Variants in RPAP3 observed in about 807,000 individuals in gnomAD.
RPAP3 encodes the protein RNA polymerase II associated protein 3.
Under a neutral mutation model 88.8 loss-of-function variants are expected in RPAP3, and 58 were observed. That is an observed-to-expected ratio of 0.65 (90% confidence interval 0.53 to 0.81). The LOEUF (loss-of-function observed/expected upper bound fraction) is 0.81, where lower values mean the gene tolerates loss of function less well. Ranked by LOEUF, RPAP3 falls within the 40% of genes least tolerant of loss-of-function variation. The pLI is 0.00. For synonymous variants in RPAP3, 255 were observed against 259.9 expected (o/e 0.98, Z 0.18); for missense variants, 751 against 764.3 (o/e 0.98, Z 0.20).
intron 14 of RPAP3, among the ~76,000 whole-genome samples, chr12:47,668,707 T>C (rs1350331569): frequency 5.9e-5 from 9 of 152,190 alleles, no homozygotes; most frequent in South Asian, 2.1e-4. Flanking sequence ...TTTGAGACAA[T>C]AGAATTTGAC....
At chr12:47,671,570 A>G (rs1391355274) in intron 12 of RPAP3, among the ~76,000 whole-genome samples, 1 of 152,224 alleles carries the variant, frequency 6.6e-6, no homozygotes, top group Non-Finnish European at 1.5e-5. Context: ...AAAAGCTGTA[A>G]GAAAATTTAT....
intron 13 of RPAP3, 29 bp downstream of exon 13, chr12:47,670,078 G>T: frequency 7.4e-7 from 1 of 1,354,288 alleles, no homozygotes; most frequent in Non-Finnish European, 1.1e-6. Context: ...CATTCTGGAT[G>T]ATCAGCAAAT....
In RPAP3 at chr12:47,679,577, TC is replaced by T; in HGVS notation, c.1202del (p.Gly401AspfsTer17). 1.9e-6 allele frequency: 3 copies of T among 1,602,038 alleles called. No individual in the cohort carries two copies. The highest frequency in any genetic ancestry group is 2.6e-6 in the Non-Finnish European group (3 of 1,172,726). On this transcript the variant is annotated frameshift_variant, in exon 12 of 17. Transcript: ENST00000005386. LOFTEE classifies it high-confidence loss of function. ...SKIKKELIEKGHWDDVFLDST... is the reference protein window; with the variant it reads ...SKIKKELIEKXHWDDVFLDST... ...AATCAAGAAAGACATCATCCCAGTG[TC>T]CTTTCTCAATTAATTCCTTGAAAAT...
At chr12:47,675,125 G>C (rs1468848762) in intron 12 of RPAP3, among the ~76,000 whole-genome samples, 3 of 152,118 alleles carry the variant, frequency 2.0e-5, no homozygotes, top group Non-Finnish European at 4.4e-5. Context: ...TTTCAACCCA[G>C]AATTTCATAT....
chr12:47,697,429 G>T (rs1053547969), intron 4 of RPAP3, among the ~76,000 whole-genome samples, 168 bp downstream of exon 4: 1 of 152,168 alleles, frequency 6.6e-6, no homozygotes, highest in African/African-American at 2.4e-5. Context: ...TGGCTCCAGA[G>T]CATGTACTCC....
intron 16 of RPAP3, chr12:47,664,670 T>C (rs962972995): frequency 2.0e-5 from 3 of 152,216 alleles, no homozygotes; most frequent in African/African-American, 4.8e-5. Flanking sequence ...GACAGTACTA[T>C]TGGTCAGCCA....
intron 9 of RPAP3, among the ~76,000 whole-genome samples, chr12:47,686,488 A>T (rs1342883426): frequency 6.6e-6 from 1 of 151,880 alleles, no homozygotes; most frequent in African/African-American, 2.4e-5. Context: ...TCTACTGAAT[A>T]CACACCTTGT....
chr12:47,674,845 T>C (rs945275621), intron 12 of RPAP3, among the ~76,000 whole-genome samples: 4 of 152,174 alleles, frequency 2.6e-5, no homozygotes, highest in Non-Finnish European at 5.9e-5. Context: ...CCAGGAGAAC[T>C]TCCCCAACCT....
chr12:47,667,040 G>C lies in RPAP3; in HGVS notation c.1852C>G (p.Leu618Val). Residue 618 changes from leucine (L) to valine (V), a missense_variant, in exon 16 of 17, where the codon CTT becomes GTT. By Grantham distance (32) the Leu-to-Val change is conservative. Coordinates refer to ENST00000005386, the MANE Select transcript of RPAP3 (RefSeq NM_024604.3). Reference protein sequence around the residue: ...PLLIFEILQRLSELKRFDMAV... With the variant: ...PLLIFEILQRVSELKRFDMAV... The stretch of plus-strand genomic sequence containing the variant: ...ATATCAAACCTTTTTAGTTCAGAAA[G>C]TCTTTGTAAGATTTCAAAGATGAGT... 1 of 1,516,764 alleles carries C rather than the reference G, an allele frequency of 6.6e-7. No homozygotes were observed. Among genetic ancestry groups the C allele is most frequent in the Non-Finnish European group, 8.8e-7 (1 of 1,138,676 alleles). 94.0% of individuals were successfully genotyped at this position (1,516,764 alleles called of 1,614,324 possible). A position where few individuals can be genotyped will look rare whatever the true frequency, so the allele number is the denominator to read the frequency against.
At chr12:47,681,038 C>T (rs780502961) in intron 10 of RPAP3, among the ~76,000 whole-genome samples, 4 of 151,308 alleles carry the variant, frequency 2.6e-5, no homozygotes, top group Non-Finnish European at 4.4e-5. Flanking sequence ...TGCACAAAAA[C>T]GAGTTTGCTG....
chr12:47,666,474 G>C (rs1938875774), intron 16 of RPAP3, among the ~76,000 whole-genome samples: 1 of 152,156 alleles, frequency 6.6e-6, no homozygotes, highest in Non-Finnish European at 1.5e-5. Flanking sequence ...TGAGAATTCA[G>C]CTAAAATCAA....
Position 47,697,596 on chromosome 12 carries a change from C to A in RPAP3, c.417+1G>T, listed in dbSNP as rs1460707135. 1 of 1,594,038 alleles carries A rather than the reference C, an allele frequency of 6.3e-7. No individual in the cohort carries two copies. Among genetic ancestry groups the A allele is most frequent in the East Asian group, 2.2e-5 (1 of 44,626 alleles). On this transcript the variant is annotated splice_donor_variant, in intron 4 of 16. Transcript: ENST00000005386. LOFTEE classifies it high-confidence loss of function. ...AAAAACAAAACCTAACTAATTAGTA[C>A]CTTTTCTTTTAAAACAAGAGCCTTT...
At chr12:47,676,964 C>T (rs1003787720) in intron 12 of RPAP3, among the ~76,000 whole-genome samples, 9 of 152,172 alleles carry the variant, frequency 5.9e-5, no homozygotes, top group Non-Finnish European at 1.3e-4. Context: ...GACCAATATC[C>T]CTGATGAACA....
chr12:47,705,868 C>T (rs1030479759), intron 1 of RPAP3, 84 bp downstream of exon 1: 2 of 160,324 alleles, frequency 1.2e-5, no homozygotes, highest in Admixed American at 1.3e-4. Flanking sequence ...CACCGGTACC[C>T]ATAACCGCTA....
chr12:47,702,537 A>G, intron 2 of RPAP3, 151 bp downstream of exon 2: 1 of 639,616 alleles, frequency 1.6e-6, no homozygotes, highest in Non-Finnish European at 2.5e-6. Context: ...CTGGTGACAG[A>G]GCAAGACTCC....
intron 12 of RPAP3, among the ~76,000 whole-genome samples, chr12:47,678,328 C>A (rs1939156824): frequency 6.6e-6 from 1 of 152,130 alleles, no homozygotes; most frequent in African/African-American, 2.4e-5. Flanking sequence ...CCATTCAGGC[C>A]ACAGGCATAG....
chr12:47,665,970 T>C (rs1206699065), intron 16 of RPAP3, among the ~76,000 whole-genome samples: 2 of 152,180 alleles, frequency 1.3e-5, no homozygotes, highest in African/African-American at 4.8e-5. Context: ...CTTCCCTAAG[T>C]GTAATTTCAA....
Position 47,661,884 on chromosome 12 carries a change from A to T in RPAP3, c.*1621T>A, listed in dbSNP as rs903953510. 6.6e-6 allele frequency: 1 copy of T among 152,206 alleles called. No homozygotes were observed. The highest frequency in any genetic ancestry group is 1.5e-5 in the Non-Finnish European group (1 of 68,046). The allele number at this position is 152,206 out of a possible 1,614,324, so 9.4% of individuals were successfully genotyped here. A position where few individuals can be genotyped will look rare whatever the true frequency, so the allele number is the denominator to read the frequency against. On this transcript the variant is annotated 3_prime_UTR_variant, in exon 17 of 17. Coordinates refer to ENST00000005386, the MANE Select transcript of RPAP3 (RefSeq NM_024604.3). Reference sequence around the variant, plus strand: ...ACTACCTTGTAAGTTTCTTCAAAGGATCATACCGTAGTCCATTCGGGTTGC... The same window carrying T: ...ACTACCTTGTAAGTTTCTTCAAAGGTTCATACCGTAGTCCATTCGGGTTGC...
rs186730082 is a variant in RPAP3, at chr12:47,662,443, T to A, written c.*1062A>T. 2.0e-4 allele frequency: 30 copies of A among 152,318 alleles called. No individual in the cohort carries two copies. Among genetic ancestry groups the A allele is most frequent in the African/African-American group, 7.0e-4 (29 of 41,578 alleles). The allele number at this position is 152,318 out of a possible 1,614,324, so 9.4% of individuals were successfully genotyped here. A position where few individuals can be genotyped will look rare whatever the true frequency, so the allele number is the denominator to read the frequency against. On this transcript the variant is annotated 3_prime_UTR_variant, in exon 17 of 17. Coordinates refer to ENST00000005386, the MANE Select transcript of RPAP3 (RefSeq NM_024604.3). ...CTTCTCAAACAATTCATAAGAATAGTAATATGTATAATGGCAATAAAAATT... is the reference window on the plus strand; with the variant it reads ...CTTCTCAAACAATTCATAAGAATAGAAATATGTATAATGGCAATAAAAATT...
Sources: gnomAD v4.1 joint callset for allele counts (sites outside exome capture counted in the v4.1 genomes callset) on GRCh38, gnomAD v4.1.1 for gene constraint, MANE v1.5 for transcripts, NCBI Gene and HGNC (gene_info 2026-07-23, HGNC 2026-07-21) for gene names.